SPOCK3: variants seen among roughly 807,000 people sequenced by gnomAD.
The protein encoded by SPOCK3 is SPARC (osteonectin), cwcv and kazal like domains proteoglycan 3.
Under a neutral mutation model 56.6 loss-of-function variants are expected in SPOCK3, and 30 were observed. The observed-to-expected ratio is 0.53, with a 90% confidence interval of 0.40 to 0.72. The LOEUF (loss-of-function observed/expected upper bound fraction) is 0.72. Among genes scored for constraint, SPOCK3 ranks in the 30% least tolerant of loss-of-function variants. The pLI is 0.00. For missense variants in SPOCK3, 527 were observed against 530.0 expected (o/e 0.99, Z 0.06); for synonymous variants, 196 against 183.3 (o/e 1.07, Z -0.56).
chr4:166,916,319 G>A (rs892512811), intron 4 of SPOCK3, among the ~76,000 whole-genome samples: 4 of 151,968 alleles, frequency 2.6e-5, no homozygotes, highest in Admixed American at 6.6e-5. Flanking sequence ...ACTATTGCTA[G>A]CGTTCTTTTA....
At chr4:166,774,275 G>A (rs1246290740) in intron 7 of SPOCK3, among the ~76,000 whole-genome samples, 2 of 152,078 alleles carry the variant, frequency 1.3e-5, no homozygotes, top group African/African-American at 2.4e-5. Flanking sequence ...GAGTGGACAG[G>A]GAGTTTCTTA....
At chr4:166,857,102 A>G (rs796477944) in intron 6 of SPOCK3, among the ~76,000 whole-genome samples, 66 of 152,206 alleles carry the variant, frequency 4.3e-4, no homozygotes, top group African/African-American at 1.6e-3. Context: ...TCTTGTTCTG[A>G]CTCTACAATG....
chr4:167,094,454 C>T (rs1453620414), intron 2 of SPOCK3, among the ~76,000 whole-genome samples: 1 of 151,878 alleles, frequency 6.6e-6, no homozygotes, highest in Admixed American at 6.6e-5. Flanking sequence ...GGTATACAAG[C>T]TTGTTCAAAA....
chr4:167,222,289 C>G (rs79569687), intron 2 of SPOCK3, among the ~76,000 whole-genome samples: 4,825 of 151,816 alleles, frequency 0.032, 114 homozygotes, highest in Middle Eastern at 0.072. Context: ...CCAGGGGCTG[C>G]AGGAAGGGCA....
chr4:166,847,065 A>T (rs904067654), intron 6 of SPOCK3, among the ~76,000 whole-genome samples: 1 of 152,118 alleles, frequency 6.6e-6, no homozygotes, highest in Non-Finnish European at 1.5e-5. Flanking sequence ...CCATCAAGAG[A>T]TCTATTAAAA....
chr4:166,902,336 T>C (rs1736139043), intron 5 of SPOCK3, among the ~76,000 whole-genome samples: 1 of 152,018 alleles, frequency 6.6e-6, no homozygotes, highest in Non-Finnish European at 1.5e-5. Flanking sequence ...TTGGGTTTCT[T>C]CTTATTTATC....
chr4:167,139,417 T>C (rs1763357915), intron 2 of SPOCK3, among the ~76,000 whole-genome samples: 1 of 152,012 alleles, frequency 6.6e-6, no homozygotes, highest in Non-Finnish European at 1.5e-5. Context: ...ATAATTCTGG[T>C]AGAAACCATG....
chr4:166,971,007 G>A (rs77043118), intron 4 of SPOCK3, among the ~76,000 whole-genome samples: 15,937 of 152,106 alleles, frequency 0.1, 1,097 homozygotes, highest in Middle Eastern at 0.22. Context: ...GATTATAGGC[G>A]CATACCAGCA....
intron 3 of SPOCK3, among the ~76,000 whole-genome samples, chr4:167,057,500 TAA>T (rs1342162788): frequency 6.6e-6 from 1 of 151,588 alleles, no homozygotes; most frequent in Admixed American, 6.6e-5. Context: ...GCAAATTGGA[TAA>T]AGAGTCAAGA....
chr4:167,000,310 C>T (rs367853804), intron 4 of SPOCK3, 39 bp downstream of exon 4: 7 of 984,746 alleles, frequency 7.1e-6, no homozygotes, highest in East Asian at 2.5e-5. Context: ...TGGTAAGGAG[C>T]GCTGTTCAAT....
At chr4:166,810,965 C>T (rs1024657707) in intron 6 of SPOCK3, among the ~76,000 whole-genome samples, 4 of 151,742 alleles carry the variant, frequency 2.6e-5, no homozygotes, top group African/African-American at 9.7e-5. Context: ...TACATTTCTT[C>T]TTTGTTAATT....
In SPOCK3 at chr4:167,202,263, C is replaced by T. The variant is rs147828879; in HGVS notation, c.189+31722G>A. On this transcript the variant is annotated intron_variant, in intron 2 of 10. Transcript: ENST00000357545. ...TTATGCAGTTCTATATCAGCAGTCT[C>T]ATAGCAGCAACTGCAATCTATTATT... is the stretch of plus-strand genomic sequence containing the variant. Among the ~76,000 whole-genome samples, 221 of 151,970 alleles carry T rather than the reference C, an allele frequency of 1.5e-3. 1 individual carries two copies. The highest frequency in any genetic ancestry group is 5.1e-3 in the African/African-American group (213 of 41,512).
intron 2 of SPOCK3, among the ~76,000 whole-genome samples, chr4:167,153,871 C>T (rs111321643): frequency 1.7e-3 from 248 of 149,566 alleles, no homozygotes; most frequent in Non-Finnish European, 2.8e-3. Flanking sequence ...TTAGTTTAAG[C>T]GGGGAAAAAT....
chr4:166,743,249 C>T (rs144776596), intron 8 of SPOCK3, among the ~76,000 whole-genome samples: 2,547 of 151,988 alleles, frequency 0.017, 30 homozygotes, highest in Non-Finnish European at 0.027. Flanking sequence ...TATACTATAT[C>T]TTATTGTCCC....
At position 166,919,293 on chromosome 4, in the gene SPOCK3, G is replaced by A. The variant is rs540816693; in HGVS notation, c.351-6550C>T. Among the ~76,000 whole-genome samples the A allele has an allele frequency of 5.9e-5, 9 of 152,182 alleles. No individual in the cohort carries two copies. In the South Asian group the frequency reaches 1.9e-3, roughly 32 times the overall value. On this transcript the variant is annotated intron_variant, in intron 4 of 10. Coordinates refer to ENST00000357545, the MANE Select transcript of SPOCK3 (RefSeq NM_001040159.2). ...TACAGAGCGTTTAAATTAAACATCA[G>A]GATTTAGAGTTTAAAGAGAAGTGGA...
At chr4:167,118,639 TTAAA>T (rs1242643079) in intron 2 of SPOCK3, among the ~76,000 whole-genome samples, 1 of 152,178 alleles carries the variant, frequency 6.6e-6, no homozygotes, top group Non-Finnish European at 1.5e-5. Flanking sequence ...CAGTTAAATC[TTAAA>T]TAGACAAATT....
At chr4:167,178,146 C>T (rs1467684715) in intron 2 of SPOCK3, among the ~76,000 whole-genome samples, 1 of 152,092 alleles carries the variant, frequency 6.6e-6, no homozygotes, top group African/African-American at 2.4e-5. Flanking sequence ...CCACATTTCC[C>T]AGCCCAGAGC....
intron 2 of SPOCK3, among the ~76,000 whole-genome samples, chr4:167,128,968 C>T (rs1053867710): frequency 3.3e-5 from 5 of 152,082 alleles, no homozygotes; most frequent in Non-Finnish European, 5.9e-5. Flanking sequence ...GAGTGAAATG[C>T]ATTGATGAGA....
chr4:166,939,557 GAT>G (rs1242506225), intron 4 of SPOCK3, among the ~76,000 whole-genome samples: 1 of 152,170 alleles, frequency 6.6e-6, no homozygotes, highest in Non-Finnish European at 1.5e-5. Flanking sequence ...TGCAGGAAAT[GAT>G]ACCTGAGTTG....
Sources: allele counts gnomAD v4.1 joint callset (sites outside exome capture counted in the v4.1 genomes callset), GRCh38; gene constraint gnomAD v4.1.1; transcripts MANE v1.5; gene names NCBI Gene and HGNC (gene_info 2026-07-23, HGNC 2026-07-21).